Variants in LIN7A observed in about 807,000 individuals in gnomAD.
LIN7A encodes the protein protein lin-7 homolog A.
LIN7A carries 25 observed loss-of-function variants against 29.8 expected under a neutral mutation model. That is an observed-to-expected ratio of 0.84 (90% CI 0.61 to 1.17). LIN7A has a LOEUF of 1.17. Among genes scored for constraint, LIN7A ranks in the 50% most tolerant of loss-of-function variants. The probability of loss-of-function intolerance (pLI) is 0.00; values close to 1 mark genes in which losing one functional copy is unlikely to be tolerated. For missense variants in LIN7A, 239 were observed against 287.0 expected (o/e 0.83, Z 1.21); for synonymous variants, 118 against 107.5 (o/e 1.10, Z -0.60).
chr12:80,903,960 G>A (rs1307912609), intron 1 of LIN7A, among the ~76,000 whole-genome samples: 6 of 151,876 alleles, frequency 4.0e-5, no homozygotes, highest in Non-Finnish European at 8.8e-5. Context: ...AGCATTTTGG[G>A]ATTTTATAGA....
intron 1 of LIN7A, among the ~76,000 whole-genome samples, chr12:80,903,854 A>T (rs1402160222): frequency 1.3e-5 from 2 of 152,034 alleles, no homozygotes; most frequent in Non-Finnish European, 2.9e-5. Flanking sequence ...AACATCTGTT[A>T]TATTTATTGA....
intron 2 of LIN7A, among the ~76,000 whole-genome samples, chr12:80,849,284 T>C (rs1343455712): frequency 6.6e-6 from 1 of 152,212 alleles, no homozygotes; most frequent in African/African-American, 2.4e-5. Flanking sequence ...CCTGAACAGC[T>C]GCTAAACGTA....
intron 1 of LIN7A, among the ~76,000 whole-genome samples, chr12:80,907,468 A>C (rs567228628): frequency 6.6e-6 from 1 of 152,322 alleles, no homozygotes; most frequent in East Asian, 1.9e-4. Context: ...GGAAGTCAAC[A>C]GTCCTTGTTT....
At chr12:80,878,136 G>A (rs1316222707) in intron 2 of LIN7A, among the ~76,000 whole-genome samples, 4 of 151,694 alleles carry the variant, frequency 2.6e-5, no homozygotes, top group African/African-American at 9.7e-5. Context: ...ACAGCCTTCA[G>A]AGTCATTATA....
intron 2 of LIN7A, among the ~76,000 whole-genome samples, chr12:80,857,452 G>A (rs772610382): frequency 7.9e-5 from 12 of 152,006 alleles, no homozygotes; most frequent in African/African-American, 2.7e-4. Flanking sequence ...ACTACTGGGC[G>A]CCTGGATAGA....
At chr12:80,824,130 A>T (rs1159637308) in intron 4 of LIN7A, among the ~76,000 whole-genome samples, 2 of 152,306 alleles carry the variant, frequency 1.3e-5, no homozygotes, top group Non-Finnish European at 2.9e-5. Flanking sequence ...TAATGAGATT[A>T]ACCAAAAAGA....
intron 1 of LIN7A, among the ~76,000 whole-genome samples, chr12:80,931,924 A>C (rs896258337): frequency 1.3e-5 from 2 of 152,178 alleles, no homozygotes; most frequent in African/African-American, 4.8e-5. Context: ...CATCTTGAAA[A>C]CGACATAAAG....
intron 1 of LIN7A, among the ~76,000 whole-genome samples, chr12:80,905,208 G>C (rs1421308430): frequency 6.7e-6 from 1 of 148,242 alleles, no homozygotes; most frequent in Non-Finnish European, 1.5e-5. Flanking sequence ...TTTTTCTTTT[G>C]AGGCAGAGTG....
intron 1 of LIN7A, among the ~76,000 whole-genome samples, chr12:80,902,379 GT>G (rs35715414): frequency 1.3e-5 from 2 of 152,048 alleles, no homozygotes; most frequent in South Asian, 4.2e-4. Context: ...GTTTAGAATA[GT>G]TTTTTTCTAA....
chr12:80,903,742 T>C (rs1341557105), intron 1 of LIN7A, among the ~76,000 whole-genome samples: 1 of 152,072 alleles, frequency 6.6e-6, no homozygotes, highest in Non-Finnish European at 1.5e-5. Flanking sequence ...AGTTCTATTT[T>C]TGGTTCTTTG....
intron 1 of LIN7A, among the ~76,000 whole-genome samples, chr12:80,908,414 A>G (rs988097270): frequency 5.9e-5 from 9 of 152,022 alleles, no homozygotes; most frequent in African/African-American, 2.2e-4. Context: ...CATTAAAATG[A>G]CCTAAATGAA....
At chr12:80,846,471 C>T (rs1451364240) in intron 3 of LIN7A, among the ~76,000 whole-genome samples, 2 of 151,816 alleles carry the variant, frequency 1.3e-5, no homozygotes, top group African/African-American at 2.4e-5. Context: ...TATTGCCAAC[C>T]CAAAAGCTTA....
At chr12:80,829,341 C>T (rs748778050) in intron 4 of LIN7A, among the ~76,000 whole-genome samples, 30 of 152,152 alleles carry the variant, frequency 2.0e-4, no homozygotes, top group Admixed American at 1.4e-3. Context: ...TCTGTTTGAA[C>T]TATCATGACT....
intron 1 of LIN7A, chr12:80,936,458 T>TCCTC (rs915291090): frequency 1.3e-5 from 2 of 152,208 alleles, no homozygotes; most frequent in African/African-American, 4.8e-5. Context: ...TGCCCATCGT[T>TCCTC]CAGTTTAATC....
chr12:80,838,278 C>A (rs1430937631), intron 4 of LIN7A, among the ~76,000 whole-genome samples: 1 of 152,188 alleles, frequency 6.6e-6, no homozygotes, highest in African/African-American at 2.4e-5. Flanking sequence ...GAATGAGAGA[C>A]CTGGTGCCCA....
chr12:80,798,736 C>G (rs1401249815), intron 5 of LIN7A, among the ~76,000 whole-genome samples: 2 of 151,410 alleles, frequency 1.3e-5, no homozygotes, highest in Non-Finnish European at 2.9e-5. Context: ...GATTGAATAA[C>G]TTCCTAAAGG....
At chr12:80,883,602 T>A (rs1041508930) in intron 2 of LIN7A, among the ~76,000 whole-genome samples, 17 of 152,196 alleles carry the variant, frequency 1.1e-4, no homozygotes, top group African/African-American at 3.9e-4. Context: ...TGTGGGATCC[T>A]ACTCTTTAAT....
chr12:80,899,765 C>T (rs372127811), intron 1 of LIN7A, among the ~76,000 whole-genome samples: 18 of 110,026 alleles, frequency 1.6e-4, no homozygotes, highest in Non-Finnish European at 3.3e-4. Context: ...TTCTTTTTTT[C>T]TTTTCTTTTT....
intron 1 of LIN7A, among the ~76,000 whole-genome samples, chr12:80,893,436 A>G (rs1304072634): frequency 6.6e-6 from 1 of 152,130 alleles, no homozygotes; most frequent in Non-Finnish European, 1.5e-5. Flanking sequence ...AAGACCATCA[A>G]AAGCTGAGAA....
Sources: gnomAD v4.1 joint callset for allele counts (sites outside exome capture counted in the v4.1 genomes callset) on GRCh38, gnomAD v4.1.1 for gene constraint, MANE v1.5 for transcripts, NCBI Gene and HGNC (gene_info 2026-07-23, HGNC 2026-07-21) for gene names.